CLEC17A: variants seen among roughly 807,000 people sequenced by gnomAD.
The protein encoded by CLEC17A is C-type lectin domain containing 17A.
In CLEC17A, 37 loss-of-function variants were observed where a neutral mutation model predicts 61.3. That is an observed-to-expected ratio of 0.60 (90% CI 0.46 to 0.79). The LOEUF (loss-of-function observed/expected upper bound fraction) is 0.79, where lower values mean the gene tolerates loss of function less well. Ranked by LOEUF, CLEC17A falls within the 30% of genes least tolerant of loss-of-function variation. CLEC17A has a pLI of 0.00. For synonymous variants in CLEC17A, 168 were observed against 164.9 expected (o/e 1.02, Z -0.14); for missense variants, 418 against 464.7 (o/e 0.90, Z 0.92).
chr19:14,582,051 C>T (rs1031187752), upstream of CLEC17A, among the ~76,000 whole-genome samples: 3 of 152,176 alleles, frequency 2.0e-5, no homozygotes, highest in African/African-American at 2.4e-5. Flanking sequence ...GAGGCTGCAG[C>T]GTGAGAATCC....
rs748265594 is a variant in CLEC17A, at chr19:14,583,197, C to G, written c.37C>G (p.Pro13Ala). The stretch of plus-strand genomic sequence containing the variant: ...GTATTCCATCACTGGGTACCCGGAC[C>G]CACCAGGTAAGGCCCCGGCCAGGCT... ...NLYSITGYPD[P>A]PGTMEEEEED... Residue 13 changes from proline to alanine, a missense_variant, in exon 1 of 14, where the codon CCA becomes GCA. By Grantham distance (27) the Pro-to-Ala change is conservative. Coordinates refer to ENST00000417570, the MANE Select transcript of CLEC17A (RefSeq NM_001204118.2). 6.2e-7 allele frequency: 1 copy of G among 1,613,904 alleles called. No individual in the cohort carries two copies. The highest frequency in any genetic ancestry group is 8.5e-7 in the Non-Finnish European group (1 of 1,179,876).
chr19:14,609,047 G>A (rs575368503), intron 13 of CLEC17A, among the ~76,000 whole-genome samples: 2 of 152,098 alleles, frequency 1.3e-5, no homozygotes, highest in African/African-American at 2.4e-5. Context: ...TGATCTACCC[G>A]TCTTGGCCTC....
chr19:14,596,961 G>T lies in CLEC17A; in HGVS notation c.531G>T (p.Val177=). The change falls in exon 9 of 14, where the codon GTG becomes GTT. Residue 177 remains valine (V), a synonymous_variant. Coordinates refer to ENST00000417570, the MANE Select transcript of CLEC17A (RefSeq NM_001204118.2). ...KRWMVYLCLL[V]VTSLFLGCLG... ...GGATGGTGTACCTGTGTCTGCTGGT[G>T]GTGACTTCCCTGTTCCTGGGCTGCC... 1 of 1,608,718 alleles carries T rather than the reference G, an allele frequency of 6.2e-7. No homozygotes were observed. Among genetic ancestry groups the T allele is most frequent in the East Asian group, 2.2e-5 (1 of 44,706 alleles).
chr19:14,595,793 A>G (rs561118694), intron 8 of CLEC17A, among the ~76,000 whole-genome samples: 2 of 95,318 alleles, frequency 2.1e-5, no homozygotes, highest in Non-Finnish European at 4.2e-5. Context: ...AAACAGTGAT[A>G]TGGTGGTAAT....
intron 4 of CLEC17A, among the ~76,000 whole-genome samples, chr19:14,593,400 A>G (rs1252476188): frequency 6.6e-6 from 1 of 151,312 alleles, no homozygotes; most frequent in Non-Finnish European, 1.5e-5. Context: ...TAATTCTAGC[A>G]CTTTGGGAAG....
intron 10 of CLEC17A, among the ~76,000 whole-genome samples, chr19:14,597,446 T>C (rs1447213622): frequency 1.3e-5 from 2 of 152,174 alleles, no homozygotes; most frequent in African/African-American, 4.8e-5. Context: ...GCACTAAGTA[T>C]GAAATACACA....
Position 14,595,261 on chromosome 19 carries a change from C to G in CLEC17A, c.404-13C>G. 1 of 1,613,922 alleles carries G rather than the reference C, an allele frequency of 6.2e-7. No homozygotes were observed. Among genetic ancestry groups the G allele is most frequent in the Non-Finnish European group, 8.5e-7 (1 of 1,179,822 alleles). Reference sequence around the variant, plus strand: ...GCATCTTCTGAATAAACCTCTCTCCCCCTTTCTCCCAGCTGTGAATCTTGA... The same window carrying G: ...GCATCTTCTGAATAAACCTCTCTCCGCCTTTCTCCCAGCTGTGAATCTTGA... On this transcript the variant is annotated splice_polypyrimidine_tract_variant and intron_variant, in intron 7 of 13. Coordinates refer to ENST00000417570, the MANE Select transcript of CLEC17A (RefSeq NM_001204118.2).
upstream of CLEC17A, among the ~76,000 whole-genome samples, chr19:14,582,370 A>G (rs890316942): frequency 4.6e-5 from 7 of 150,900 alleles, no homozygotes; most frequent in African/African-American, 9.7e-5. Context: ...CCGCCACCAC[A>G]CCCAGCTAAT....
chr19:14,600,074 G>C lies in CLEC17A; in HGVS notation c.786G>C (p.Glu262Asp). ...ITCPEGWLPF[E>D]GKCYYFSPST... is the part of the protein sequence containing the mutation. ...GTCCTGAAGGCTGGCTGCCCTTTGA[G>C]GGCAAGTGTTACTACTTCTCCCCAA... is the stretch of plus-strand genomic sequence containing the variant. The change falls in exon 12 of 14, where the codon GAG becomes GAC. Residue 262 changes from glutamate to aspartate, a missense_variant. Transcript: ENST00000417570. 3 of 1,614,000 alleles carry C rather than the reference G, an allele frequency of 1.9e-6. No individual in the cohort carries two copies. The highest frequency in any genetic ancestry group is 2.2e-5 in the East Asian group (1 of 44,882).
chr19:14,584,068 C>CAA (rs112884228), intron 2 of CLEC17A: 2,607 of 117,208 alleles, frequency 0.022, 53 homozygotes, highest in South Asian at 0.057. Flanking sequence ...CTATCTCTGC[C>CAA]AAAAAAAAAA....
At chr19:14,587,395 T>C (rs1236805980) in intron 2 of CLEC17A, among the ~76,000 whole-genome samples, 2 of 152,168 alleles carry the variant, frequency 1.3e-5, no homozygotes, top group South Asian at 2.1e-4. Context: ...CCCCTTGTCA[T>C]GTTCCTGGTG....
At chr19:14,585,244 A>G (rs554182944) in intron 2 of CLEC17A, among the ~76,000 whole-genome samples, 1 of 152,350 alleles carries the variant, frequency 6.6e-6, no homozygotes, top group East Asian at 1.9e-4. Flanking sequence ...ATCATAGCTC[A>G]CTGCAGCCTT....
intron 4 of CLEC17A, among the ~76,000 whole-genome samples, chr19:14,593,737 G>C (rs1243370051): frequency 6.6e-6 from 1 of 151,840 alleles, no homozygotes; most frequent in East Asian, 1.9e-4. Context: ...GAGGCGGGTG[G>C]ATCACGAGGT....
At chr19:14,598,332 C>CTCTTTCTT (rs35441146) in intron 10 of CLEC17A, among the ~76,000 whole-genome samples, 16 of 150,848 alleles carry the variant, frequency 1.1e-4, no homozygotes, top group African/African-American at 3.5e-4. Context: ...CTCTCACTAT[C>CTCTTTCTT]TCTTTCTTTC....
chr19:14,595,443 C>T (rs1318278366), intron 8 of CLEC17A, 128 bp downstream of exon 8: 10 of 1,009,582 alleles, frequency 9.9e-6, no homozygotes, highest in East Asian at 7.3e-5. Flanking sequence ...ACCTGCTGCA[C>T]TGTTCTGAGT....
upstream of CLEC17A, among the ~76,000 whole-genome samples, chr19:14,581,456 T>C (rs1006223248): frequency 3.9e-5 from 6 of 151,970 alleles, no homozygotes; most frequent in East Asian, 1.2e-3. Context: ...CCCGAGTAGC[T>C]GGCATTACAG....
In CLEC17A at chr19:14,611,001, T is replaced by A. The variant is rs1349005494; in HGVS notation, c.*805T>A. 1.6e-5 allele frequency: 1 copy of A among 62,460 alleles called. No individual in the cohort carries two copies. The highest frequency in any genetic ancestry group is 4.2e-5 in the Non-Finnish European group (1 of 23,906). The allele number at this position is 62,460 out of a possible 1,614,324, so 3.9% of individuals were successfully genotyped here. A position where few individuals can be genotyped will look rare whatever the true frequency, so the allele number is the denominator to read the frequency against. ...TATTTTTACTTTCCCCATCTTTTCCTTTTTTTTTTTTTTCCAAACAAAAGC... is the reference window on the plus strand; with the variant it reads ...TATTTTTACTTTCCCCATCTTTTCCATTTTTTTTTTTTTCCAAACAAAAGC... On this transcript the variant is annotated 3_prime_UTR_variant, in exon 14 of 14. Coordinates refer to ENST00000417570, the MANE Select transcript of CLEC17A (RefSeq NM_001204118.2).
intron 3 of CLEC17A, 102 bp downstream of exon 3, chr19:14,587,793 C>A: frequency 6.4e-7 from 1 of 1,559,550 alleles, no homozygotes; most frequent in Non-Finnish European, 8.7e-7. Flanking sequence ...CTCCTCTCTA[C>A]ACAGCCCATG....
At chr19:14,601,589 A>G (rs2074718801) in intron 12 of CLEC17A, among the ~76,000 whole-genome samples, 1 of 152,074 alleles carries the variant, frequency 6.6e-6, no homozygotes, top group East Asian at 1.9e-4. Context: ...TCTTGACCAT[A>G]GACATAGGAC....
Sources: allele counts gnomAD v4.1 joint callset (sites outside exome capture counted in the v4.1 genomes callset), GRCh38; gene constraint gnomAD v4.1.1; transcripts MANE v1.5; gene names NCBI Gene and HGNC (gene_info 2026-07-23, HGNC 2026-07-21).